Variants in RGP1 observed in about 807,000 individuals in gnomAD.
RGP1 encodes RGP1 partner of RAB6A GEF complex, also known as RAB6A-GEF complex partner protein 2.
In RGP1, 28 loss-of-function variants were observed where a neutral mutation model predicts 44.5. The observed-to-expected ratio is 0.63, with a 90% confidence interval of 0.47 to 0.86. The LOEUF is 0.86. Among genes scored for constraint, RGP1 ranks in the 40% least tolerant of loss-of-function variants. The pLI is 0.00. For synonymous variants in RGP1, 212 were observed against 196.7 expected (o/e 1.08, Z -0.65); for missense variants, 417 against 490.7 (o/e 0.85, Z 1.42).
chr9:35,750,175 AG>A, intron 2 of RGP1, 67 bp from the exon 3 acceptor site: 1 of 1,560,874 alleles, frequency 6.4e-7, no homozygotes. Flanking sequence ...ATGGTGTGAT[AG>A]GGAGCTTGGG....
Position 35,750,250 on chromosome 9 carries a change from C to T in RGP1, c.124C>T (p.Leu42=), listed in dbSNP as rs759081257. 7 of 1,613,628 alleles carry T rather than the reference C, an allele frequency of 4.3e-6. No individual in the cohort carries two copies. The highest frequency in any genetic ancestry group is 5.9e-6 in the Non-Finnish European group (7 of 1,179,782). Reference sequence around the variant, plus strand: ...CTTTTCCTTTTCCCACAGTGAGGCCCTGGCCTGGGCCAGTGCCCAAATCCA... The same window carrying T: ...CTTTTCCTTTTCCCACAGTGAGGCCTTGGCCTGGGCCAGTGCCCAAATCCA... ...PTATSASSEA[L]AWASAQIHCQ... The change falls in exon 3 of 9, where the codon CTG becomes TTG. Residue 42 remains leucine (L), a synonymous_variant. Transcript: ENST00000378078.
At chr9:35,776,733 C>T in the RGP1 span, among the ~76,000 whole-genome samples, 17,009 of 151,884 alleles carry the variant, frequency 0.11, 1,196 homozygotes, top group African/African-American at 0.19. Flanking sequence ...CGGTGGTTCA[C>T]GCCTGTAATC....
rs776234415 is a variant in RGP1, at chr9:35,751,408, C to A, written c.630C>A (p.Ser210Arg). The A allele has an allele frequency of 1.2e-6, 2 of 1,613,982 alleles. No individual in the cohort carries two copies. The highest frequency in any genetic ancestry group is 1.7e-6 in the Non-Finnish European group (2 of 1,179,876). The change falls in exon 6 of 9, where the codon AGC becomes AGA. Residue 210 changes from serine (S) to arginine (R), a missense_variant. Ser to Arg is a moderately radical substitution (Grantham distance 110). Coordinates refer to ENST00000378078, the MANE Select transcript of RGP1 (RefSeq NM_001080496.3). ...ERLMAATSCR[S>R]LHLYNISDGR... ...TAATGGCTGCCACATCCTGCCGCAGCCTCCGTGAGAATTCTTTCAGAATTG... is the reference window on the plus strand; with the variant it reads ...TAATGGCTGCCACATCCTGCCGCAGACTCCGTGAGAATTCTTTCAGAATTG...
the RGP1 span, among the ~76,000 whole-genome samples, chr9:35,766,026 G>A: frequency 6.6e-6 from 1 of 150,882 alleles, no homozygotes; most frequent in Admixed American, 6.6e-5. Context: ...GTAGAGACGG[G>A]GTTTCACCAT....
At position 35,751,939 on chromosome 9, in the gene RGP1, C is replaced by A. The variant is rs778330043; in HGVS notation, c.763-17C>A. The A allele has an allele frequency of 6.4e-7, 1 of 1,562,932 alleles. No individual in the cohort carries two copies. Among genetic ancestry groups the A allele is most frequent in the South Asian group, 1.2e-5 (1 of 82,260 alleles). On this transcript the variant is annotated splice_polypyrimidine_tract_variant and intron_variant, in intron 7 of 8. Coordinates refer to ENST00000378078, the MANE Select transcript of RGP1 (RefSeq NM_001080496.3). ...GACAGCACTTCCTGTTAGCACACACCTGTCTCTTGCTCCCAGTTTTCAGTC... is the reference window on the plus strand; with the variant it reads ...GACAGCACTTCCTGTTAGCACACACATGTCTCTTGCTCCCAGTTTTCAGTC...
At chr9:35,780,817 C>T in the RGP1 span, among the ~76,000 whole-genome samples, 6 of 151,962 alleles carry the variant, frequency 3.9e-5, no homozygotes, top group African/African-American at 1.4e-4. Flanking sequence ...GATTGAGTCT[C>T]GGGGGATGGA....
At chr9:35,772,331 T>C in the RGP1 span, 1 of 152,056 alleles carries the variant, frequency 6.6e-6, no homozygotes, top group African/African-American at 2.4e-5. Context: ...AGCTGGATAT[T>C]GAGATGGAAG....
Position 35,754,301 on chromosome 9 carries a change from A to T in RGP1, c.*1427A>T. ...CTGCTCTCACAGGCTGGGGATGTTT[A>T]TAAAGTGAGGACCCTGGCCCCCTGC... is the stretch of plus-strand genomic sequence containing the variant. On this transcript the variant is annotated 3_prime_UTR_variant, in exon 9 of 9. Coordinates refer to ENST00000378078, the MANE Select transcript of RGP1 (RefSeq NM_001080496.3). 1 of 795,924 alleles carries T rather than the reference A, an allele frequency of 1.3e-6. No individual in the cohort carries two copies. The highest frequency in any genetic ancestry group is 1.9e-6 in the Non-Finnish European group (1 of 537,380). 49.3% of individuals were successfully genotyped at this position (795,924 alleles called of 1,614,324 possible). A position where few individuals can be genotyped will look rare whatever the true frequency, so the allele number is the denominator to read the frequency against.
chr9:35,749,612 T>A lies in RGP1; in HGVS notation c.-19-125T>A, dbSNP rs1827192860. On this transcript the variant is annotated intron_variant, in intron 1 of 8. Coordinates refer to ENST00000378078, the MANE Select transcript of RGP1 (RefSeq NM_001080496.3). This position sits in a 1 kb window ranked among gnomAD's most constrained non-coding sequence, Gnocchi z 4.4. Reference sequence around the variant, plus strand: ...CTCCCACCCGCCTACCCCTCCTATATCCAGGAGCTCCCTCGGGCACCACGG... The same window carrying A: ...CTCCCACCCGCCTACCCCTCCTATAACCAGGAGCTCCCTCGGGCACCACGG... 2 of 695,798 alleles carry A rather than the reference T, an allele frequency of 2.9e-6. No homozygotes were observed. Among genetic ancestry groups the A allele is most frequent in the East Asian group, 5.5e-5 (2 of 36,234 alleles). 43.1% of individuals were successfully genotyped at this position (695,798 alleles called of 1,614,324 possible).
At chr9:35,760,454 G>A (rs1288665785), downstream of RGP1, among the ~76,000 whole-genome samples, 1 of 152,178 alleles carries the variant, frequency 6.6e-6, no homozygotes, top group Non-Finnish European at 1.5e-5. Flanking sequence ...CCTGCCAAAT[G>A]TTCCTGGAAG....
chr9:35,762,676 C>T (rs2132043873), downstream of RGP1, among the ~76,000 whole-genome samples: 1 of 152,244 alleles, frequency 6.6e-6, no homozygotes, highest in South Asian at 2.1e-4. Context: ...GTTCCTCAGC[C>T]CTCTGGAGAT....
the RGP1 span, among the ~76,000 whole-genome samples, chr9:35,788,582 AAAAAG>A: frequency 7.3e-6 from 1 of 136,218 alleles, no homozygotes; most frequent in Non-Finnish European, 1.5e-5. Flanking sequence ...AGAAAAAAAA[AAAAAG>A]AAAAAGAAAG....
chr9:35,774,542 A>G, the RGP1 span, among the ~76,000 whole-genome samples: 1 of 152,102 alleles, frequency 6.6e-6, no homozygotes, highest in Non-Finnish European at 1.5e-5. Context: ...CCTGGCTAAC[A>G]CGGTGAAACC....
the RGP1 span, among the ~76,000 whole-genome samples, chr9:35,777,807 G>T: frequency 1.3e-5 from 2 of 152,114 alleles, no homozygotes; most frequent in African/African-American, 4.8e-5. Flanking sequence ...AGCTATGAGG[G>T]ATTCACCATG....
chr9:35,753,313 A>C lies in RGP1; in HGVS notation c.*439A>C. 1 of 1,603,442 alleles carries C rather than the reference A, an allele frequency of 6.2e-7. No homozygotes were observed. On this transcript the variant is annotated 3_prime_UTR_variant, in exon 9 of 9. Transcript: ENST00000378078. This position sits in a 1 kb window ranked among gnomAD's most constrained non-coding sequence, Gnocchi z 4.2. Reference sequence around the variant, plus strand: ...ACCAAGGATAGGGGAAGGAGTCAGCACAGTGAAAGGCTGCCTTTATCCCTG... The same window carrying C: ...ACCAAGGATAGGGGAAGGAGTCAGCCCAGTGAAAGGCTGCCTTTATCCCTG...
intron 4 of RGP1, 32 bp downstream of exon 4, chr9:35,750,773 T>C: frequency 6.2e-7 from 1 of 1,613,916 alleles, no homozygotes. Flanking sequence ...TGAATTGCCT[T>C]CTAAGTCTCC....
In RGP1 at chr9:35,753,058, G is replaced by A. The variant is rs1173834626; in HGVS notation, c.*184G>A. The stretch of plus-strand genomic sequence containing the variant: ...GCTGCTAGTGGTTTCCCTGGAAGTG[G>A]CAGCAGCAGTGAGCAGTCAGCAGAT... On this transcript the variant is annotated 3_prime_UTR_variant, in exon 9 of 9. Transcript: ENST00000378078. This position sits in a 1 kb window ranked among gnomAD's most constrained non-coding sequence, Gnocchi z 4.2. 1.2e-6 allele frequency: 2 copies of A among 1,600,008 alleles called. No homozygotes were observed. The highest frequency in any genetic ancestry group is 1.7e-6 in the Non-Finnish European group (2 of 1,170,042).
chr9:35,750,640 C>A lies in RGP1; in HGVS notation c.254-18C>A, dbSNP rs1407994164. On this transcript the variant is annotated intron_variant, in intron 3 of 8. Coordinates refer to ENST00000378078, the MANE Select transcript of RGP1 (RefSeq NM_001080496.3). ...CTGGACAATGGGTCATTAAATTAGTCATTTTTACCTTTTTCAGGTGAGAGG... is the reference window on the plus strand; with the variant it reads ...CTGGACAATGGGTCATTAAATTAGTAATTTTTACCTTTTTCAGGTGAGAGG... 1 of 1,612,786 alleles carries A rather than the reference C, an allele frequency of 6.2e-7. No homozygotes were observed. Among genetic ancestry groups the A allele is most frequent in the Non-Finnish European group, 8.5e-7 (1 of 1,178,812 alleles).
chr9:35,752,735 A>AACCT lies in RGP1; in HGVS notation c.1041_1044dup (p.Thr349TyrfsTer7). 1 of 1,613,766 alleles carries AACCT rather than the reference A, an allele frequency of 6.2e-7. No homozygotes were observed. Among genetic ancestry groups the AACCT allele is most frequent in the Non-Finnish European group, 8.5e-7 (1 of 1,179,784 alleles). On this transcript the variant is annotated frameshift_variant, in exon 9 of 9. Transcript: ENST00000378078. LOFTEE classifies it high-confidence loss of function. ...CTCCTACCCCCTGTGGAACAGCCCG[A>AACCT]ACCTACCACCTGGACAGGACCTGAG...
Sources: allele counts gnomAD v4.1 joint callset (sites outside exome capture counted in the v4.1 genomes callset), GRCh38; gene constraint gnomAD v4.1.1; non-coding constraint Gnocchi (gnomAD v3.1); transcripts MANE v1.5; gene names NCBI Gene and HGNC (gene_info 2026-07-23, HGNC 2026-07-21).